LRRC37B: variants seen among roughly 807,000 people sequenced by gnomAD.
The protein encoded by LRRC37B is leucine-rich repeat-containing protein 37B.
In LRRC37B, 28 loss-of-function variants were observed where a neutral mutation model predicts 98.3. The ratio of observed to expected loss-of-function variants is 0.28; its 90% CI spans 0.21 to 0.39. The LOEUF (loss-of-function observed/expected upper bound fraction) is 0.39. Ranked by LOEUF, LRRC37B falls within the 10% of genes least tolerant of loss-of-function variation. LRRC37B has a pLI of 1.00. For synonymous variants in LRRC37B, 364 were observed against 442.7 expected, an observed-to-expected ratio of 0.82 and a Z score of 2.23; for missense variants, 938 against 1,182.7, an observed-to-expected ratio of 0.79 and a Z score of 3.03.
At chr17:32,021,027 A>G (rs1455080222) in exon 1 of LRRC37B, 1 of 1,586,746 alleles carries the variant, frequency 6.3e-7, no homozygotes, top group Non-Finnish European at 8.6e-7. Context: ...CCCAAGCCTA[A>G]TAAAGGTGAC....
intron 5 of LRRC37B, among the ~76,000 whole-genome samples, chr17:32,034,504 CAAAAAAA>C (rs35735718): frequency 4.6e-5 from 2 of 43,902 alleles, no homozygotes; most frequent in African/African-American, 1.6e-4. Context: ...ACTCCATCTC[CAAAAAAA>C]AAAAAAAAAA....
At chr17:32,010,412 T>C (rs1020767049) in intron 1 of LRRC37B, among the ~76,000 whole-genome samples, 3 of 152,252 alleles carry the variant, frequency 2.0e-5, no homozygotes, top group African/African-American at 7.2e-5. Context: ...GGATTGGCCA[T>C]GGTTTGCTGA....
exon 11 of LRRC37B, chr17:32,050,066 G>A (rs1911707368): frequency 6.3e-7 from 1 of 1,586,550 alleles, no homozygotes; most frequent in East Asian, 2.2e-5. Context: ...ATCTGTGACT[G>A]TAATACTAAT....
exon 1 of LRRC37B, chr17:32,022,543 C>T (rs760570369): frequency 1.2e-6 from 2 of 1,613,842 alleles, no homozygotes; most frequent in East Asian, 2.2e-5. Context: ...CATTCCACAG[C>T]CCTGGAGAAG....
intron 7 of LRRC37B, chr17:32,042,192 C>T (rs1307025718): frequency 3.8e-6 from 1 of 260,598 alleles, no homozygotes; most frequent in Non-Finnish European, 7.6e-6. Flanking sequence ...TACTGCTCCC[C>T]TCAACCAGGA....
chr17:32,052,436 A>G (rs1239944543), intron 11 of LRRC37B: 1 of 152,128 alleles, frequency 6.6e-6, no homozygotes, highest in Non-Finnish European at 1.5e-5. Context: ...CATACTTTTA[A>G]GAGTTTTTTA....
rs34912557 is a variant in LRRC37B at position 32,021,749 on chromosome 17, C to A, written c.684C>A (p.Ser228Arg). ...AGAAAGATCTAGCTGAACGTTGGAGCCTTCCTGAGATTGTTGGGATTCCAC... is the reference window on the plus strand; with the variant it reads ...AGAAAGATCTAGCTGAACGTTGGAGACTTCCTGAGATTGTTGGGATTCCAC... Residue 228 changes from serine (S) to arginine (R), a missense_variant, in exon 1 of 12, where the codon AGC becomes AGA. Coordinates refer to ENST00000327564, the Ensembl canonical transcript of LRRC37B. 2,059 of 1,614,176 alleles carry A rather than the reference C, an allele frequency of 1.3e-3. 19 individuals are homozygous for A. In the African/African-American group the frequency reaches 0.024, roughly 19 times the overall value.
At chr17:32,041,578 G>T (rs765459032) in intron 7 of LRRC37B, 1 of 480,574 alleles carries the variant, frequency 2.1e-6, no homozygotes, top group Non-Finnish European at 4.1e-6. Flanking sequence ...TGGCACCCCC[G>T]CCAGGTCTCC....
At chr17:32,038,989 T>C (rs1911328421) in intron 7 of LRRC37B, among the ~76,000 whole-genome samples, 1 of 152,224 alleles carries the variant, frequency 6.6e-6, no homozygotes, top group East Asian at 1.9e-4. Flanking sequence ...ACCTAAGAAA[T>C]CTTTAAGAAC....
At chr17:32,037,639 C>A (rs1911284338) in intron 7 of LRRC37B, among the ~76,000 whole-genome samples, 1 of 152,200 alleles carries the variant, frequency 6.6e-6, no homozygotes, top group Admixed American at 6.5e-5. Flanking sequence ...GTAGTGGAAT[C>A]TCACTGGTTT....
rs891447065 is a variant in LRRC37B at position 32,052,995 on chromosome 17, C to T, written c.2863-271C>T. On this transcript the variant is annotated intron_variant, in intron 11 of 11. Transcript: ENST00000327564. ...TGGGGGGGGGTGTGTTGGTTATATGCAGACACTGCACCATTATACGTAAGG... is the reference window on the plus strand; with the variant it reads ...TGGGGGGGGGTGTGTTGGTTATATGTAGACACTGCACCATTATACGTAAGG... The T allele has an allele frequency of 1.3e-4, 46 of 357,508 alleles. No individual in the cohort carries two copies. In the East Asian group the frequency reaches 2.9e-3, roughly 23 times the overall value. The allele number at this position is 357,508 out of a possible 1,614,324, so 22.1% of individuals were successfully genotyped here. A position where few individuals can be genotyped will look rare whatever the true frequency, so the allele number is the denominator to read the frequency against.
intron 7 of LRRC37B, among the ~76,000 whole-genome samples, chr17:32,037,950 A>G (rs1911298513): frequency 6.6e-6 from 1 of 151,132 alleles, no homozygotes; most frequent in South Asian, 2.1e-4. Flanking sequence ...TACTAAATAC[A>G]CACACACACA....
chr17:32,022,099 C>G (rs544433097), exon 1 of LRRC37B: 1 of 1,613,684 alleles, frequency 6.2e-7, no homozygotes, highest in Admixed American at 1.7e-5. Flanking sequence ...CTAGCTCAAA[C>G]TCCACTGAAT....
chr17:32,049,962 T>C (rs568405465), intron 10 of LRRC37B, 41 bp from the exon 14 acceptor site: 2 of 1,238,732 alleles, frequency 1.6e-6, no homozygotes, highest in Admixed American at 2.3e-5. Flanking sequence ...TCTTTTTTTT[T>C]AATTGTTCTT....
At chr17:32,021,506 C>T in exon 1 of LRRC37B, 1 of 1,614,066 alleles carries the variant, frequency 6.2e-7, no homozygotes, top group Non-Finnish European at 8.5e-7. Context: ...CACATCAGGA[C>T]TTAAATGACA....
upstream of LRRC37B, chr17:32,007,765 C>T: frequency 8.4e-7 from 1 of 1,192,628 alleles, no homozygotes; most frequent in Non-Finnish European, 1.0e-6. This position sits in a 1 kb window ranked among gnomAD's most constrained non-coding sequence, Gnocchi z 4.1. Flanking sequence ...AGCCGCCAGG[C>T]TGAGGTGGCG....
intron 5 of LRRC37B, among the ~76,000 whole-genome samples, chr17:32,032,313 G>T (rs931684117): frequency 6.6e-6 from 1 of 151,768 alleles, no homozygotes; most frequent in Admixed American, 6.6e-5. Flanking sequence ...AAGTGCTGGG[G>T]TTACAGGCGT....
intron 4 of LRRC37B, 125 bp from the exon 8 acceptor site, chr17:32,031,253 A>T (rs1911099008): frequency 7.0e-7 from 1 of 1,433,152 alleles, no homozygotes; most frequent in Non-Finnish European, 9.4e-7. Flanking sequence ...TTCCACAGTG[A>T]GATTGCCTTA....
At chr17:32,017,170 T>C (rs1204524468), upstream of LRRC37B, 2 of 152,210 alleles carry the variant, frequency 1.3e-5, no homozygotes, top group African/African-American at 4.8e-5. Flanking sequence ...GGAAGTTGTA[T>C]TGTCTGTAGA....
Sources: allele counts gnomAD v4.1 joint callset (sites outside exome capture counted in the v4.1 genomes callset), GRCh38; gene constraint gnomAD v4.1.1; non-coding constraint Gnocchi (gnomAD v3.1); transcripts MANE v1.5; gene names NCBI Gene and HGNC (gene_info 2026-07-23, HGNC 2026-07-21).